ACVRL1: variants seen among roughly 807,000 people sequenced by gnomAD.
ACVRL1 encodes activin A receptor like type 1.
Under a neutral mutation model 51.9 loss-of-function variants are expected in ACVRL1, and 20 were observed. That is an observed-to-expected ratio of 0.39 (90% CI 0.27 to 0.56). ACVRL1 has a LOEUF of 0.56. Ranked by LOEUF, ACVRL1 falls within the 20% of genes least tolerant of loss-of-function variation. The pLI, the probability that ACVRL1 is intolerant of heterozygous loss-of-function variation, is 0.67. For missense variants in ACVRL1, 451 were observed against 670.3 expected (o/e 0.67, Z 3.61); for synonymous variants, 288 against 280.9 (o/e 1.03, Z -0.25).
At chr12:51,908,516 A>G (rs573073631) in intron 1 of ACVRL1, among the ~76,000 whole-genome samples, 1 of 152,256 alleles carries the variant, frequency 6.6e-6, no homozygotes, top group East Asian at 1.9e-4. Context: ...ACTTAGATAT[A>G]TATATTTTTT....
chr12:51,923,309 G>A lies in ACVRL1; in HGVS notation c.*2416G>A, dbSNP rs1941025030. On this transcript the variant is annotated 3_prime_UTR_variant, in exon 10 of 10. Transcript: ENST00000388922. ...TGGAGACGCTGTTTGTGGGAGCACT[G>A]GGCTCATGCCTGGCACACAATAGGT... is the stretch of plus-strand genomic sequence containing the variant. The A allele has an allele frequency of 6.6e-6, 1 of 152,310 alleles. No homozygotes were observed. Among genetic ancestry groups the A allele is most frequent in the South Asian group, 2.1e-4 (1 of 4,830 alleles). The allele number at this position is 152,310 out of a possible 1,614,324, so 9.4% of individuals were successfully genotyped here.
intron 1 of ACVRL1, among the ~76,000 whole-genome samples, chr12:51,911,191 G>A (rs1940681717): frequency 6.6e-6 from 1 of 152,200 alleles, no homozygotes; most frequent in Admixed American, 6.5e-5. Flanking sequence ...GGTCCTTCTT[G>A]CTGCAGCTTT....
chr12:51,921,714 G>A lies in ACVRL1; in HGVS notation c.*821G>A, dbSNP rs1284668152. Reference sequence around the variant, plus strand: ...TGTGACAAAAGCAGGCCTGTCTCAGGACCTTTTCTTTTCTTTTTTCCTTCT... The same window carrying A: ...TGTGACAAAAGCAGGCCTGTCTCAGAACCTTTTCTTTTCTTTTTTCCTTCT... On this transcript the variant is annotated 3_prime_UTR_variant, in exon 10 of 10. Coordinates refer to ENST00000388922, the MANE Select transcript of ACVRL1 (RefSeq NM_000020.3). The A allele has an allele frequency of 1.3e-5, 2 of 152,194 alleles. No individual in the cohort carries two copies. The highest frequency in any genetic ancestry group is 3.8e-4 in the East Asian group (2 of 5,202). The allele number at this position is 152,194 out of a possible 1,614,324, so 9.4% of individuals were successfully genotyped here. A position where few individuals can be genotyped will look rare whatever the true frequency, so the allele number is the denominator to read the frequency against.
chr12:51,911,613 A>G (rs995918044), intron 1 of ACVRL1, among the ~76,000 whole-genome samples: 19 of 152,326 alleles, frequency 1.2e-4, no homozygotes, highest in African/African-American at 4.3e-4. Flanking sequence ...GGATAGGGAC[A>G]GAGCGAAGAG....
intron 1 of ACVRL1, among the ~76,000 whole-genome samples, chr12:51,911,308 C>T (rs1283711468): frequency 1.3e-5 from 2 of 152,190 alleles, no homozygotes; most frequent in Non-Finnish European, 2.9e-5. Flanking sequence ...ACCAGAATTA[C>T]TCCCCCTAAC....
chr12:51,920,668 A>C (rs1592228120), intron 9 of ACVRL1, 91 bp from the exon 10 acceptor site: 5 of 1,415,398 alleles, frequency 3.5e-6, no homozygotes, highest in African/African-American at 3.0e-5. Context: ...TCTCTGACCC[A>C]CCTCCCTCTG....
intron 6 of ACVRL1, 57 bp downstream of exon 6, chr12:51,914,642 C>A (rs1474893383): frequency 2.8e-5 from 44 of 1,567,062 alleles, no homozygotes; most frequent in Non-Finnish European, 3.3e-5. Flanking sequence ...GCACTCAGGG[C>A]TCAAGTTTGC....
At position 51,913,283 on chromosome 12, in the gene ACVRL1, C is replaced by T. The variant is rs754476526; in HGVS notation, c.246C>T (p.Thr82=). ...LHRELCRGRP[T]EFVNHYCCDS... ...GGGAGCTCTGCAGGGGGCGCCCCAC[C>T]GAGTTCGTCAACCACTACTGCTGCG... The change falls in exon 3 of 10, where the codon ACC becomes ACT. Residue 82 remains threonine (T), a synonymous_variant. Coordinates refer to ENST00000388922, the MANE Select transcript of ACVRL1 (RefSeq NM_000020.3). 2.2e-5 allele frequency: 36 copies of T among 1,606,254 alleles called. No individual in the cohort carries two copies. The highest frequency in any genetic ancestry group is 9.0e-5 in the East Asian group (4 of 44,594).
chr12:51,921,166 C>T lies in ACVRL1; in HGVS notation c.*273C>T, dbSNP rs923281334. ...AGCATGGTGCACCCCCTACCACTCC[C>T]GGGACAGGATGCAAAAGAGGCTCCA... On this transcript the variant is annotated 3_prime_UTR_variant, in exon 10 of 10. Coordinates refer to ENST00000388922, the MANE Select transcript of ACVRL1 (RefSeq NM_000020.3). The T allele has an allele frequency of 1.5e-5, 7 of 475,878 alleles. No homozygotes were observed. The highest frequency in any genetic ancestry group is 4.1e-5 in the East Asian group (1 of 24,568). The allele number at this position is 475,878 out of a possible 1,614,324, so 29.5% of individuals were successfully genotyped here.
rs74094825 is a variant in ACVRL1, at chr12:51,920,060, C to T, written c.1378-699C>T. Among the ~76,000 whole-genome samples, 19,557 of 152,232 alleles carry T rather than the reference C, an allele frequency of 0.13. 1,580 individuals are homozygous for T. Among genetic ancestry groups the T allele is most frequent in the African/African-American group, 0.23 (9,744 of 41,498 alleles). ...TGTACAACATATCCGCAAAAAGCCACATGTATGCATTCCTGTACACACACA... is the reference window on the plus strand; with the variant it reads ...TGTACAACATATCCGCAAAAAGCCATATGTATGCATTCCTGTACACACACA... On this transcript the variant is annotated intron_variant, in intron 9 of 9. Coordinates refer to ENST00000388922, the MANE Select transcript of ACVRL1 (RefSeq NM_000020.3).
Position 51,921,358 on chromosome 12 carries a change from C to T in ACVRL1, c.*465C>T, listed in dbSNP as rs552678295. On this transcript the variant is annotated 3_prime_UTR_variant, in exon 10 of 10. Transcript: ENST00000388922. ...TTCCCTGCCAGGCCTCAGCCTCTAG[C>T]ATAAGCTCCAGAGAGCCAGGGCCCA... The T allele has an allele frequency of 4.1e-6, 1 of 244,950 alleles. No individual in the cohort carries two copies. Among genetic ancestry groups the T allele is most frequent in the Admixed American group, 5.0e-5 (1 of 19,936 alleles). 15.2% of individuals were successfully genotyped at this position (244,950 alleles called of 1,614,324 possible).
Position 51,916,265 on chromosome 12 carries a change from G to T in ACVRL1, c.1246+32G>T, listed in dbSNP as rs760427036. On this transcript the variant is annotated intron_variant, in intron 8 of 9. Coordinates refer to ENST00000388922, the MANE Select transcript of ACVRL1 (RefSeq NM_000020.3). The stretch of plus-strand genomic sequence containing the variant: ...GCCCACCCTACACAGGGTAGGGAAA[G>T]GGGAATCAGCCTGTGGAGCCAGGGG... 1.2e-5 allele frequency: 20 copies of T among 1,607,872 alleles called. No homozygotes were observed. The Admixed American group carries it at 3.4e-4, about 27-fold the overall frequency.
Position 51,913,103 on chromosome 12 carries a change from C to G in ACVRL1, c.66C>G (p.Asp22Glu). 6.2e-7 allele frequency: 1 copy of G among 1,603,692 alleles called. No homozygotes were observed. The highest frequency in any genetic ancestry group is 8.5e-7 in the Non-Finnish European group (1 of 1,179,104). The change falls in exon 3 of 10, where the codon GAC becomes GAG. Residue 22 changes from aspartate (D) to glutamate (E), a missense_variant. Physicochemically the swap from Asp to Glu is conservative, Grantham distance 45. This residue lies in a region of ACVRL1 where 192 missense variants were observed against 216.9 expected (regional missense o/e 0.89). Coordinates refer to ENST00000388922, the MANE Select transcript of ACVRL1 (RefSeq NM_000020.3). ...AGCTTCCGGTGTGTCTTCCAGGAGA[C>G]CCTGTGAAGCCGTCTCGGGGCCCGC... ...MLLMALVTQG[D>E]PVKPSRGPLV...
At chr12:51,910,234 C>T (rs1185286748) in intron 1 of ACVRL1, among the ~76,000 whole-genome samples, 1 of 152,192 alleles carries the variant, frequency 6.6e-6, no homozygotes, top group Non-Finnish European at 1.5e-5. Context: ...CCTTGGCTGT[C>T]CCTTCTGTAG....
rs1396357726 is a variant in ACVRL1, at chr12:51,922,079, C to T, written c.*1186C>T. ...ATATTGGAAGATTTGGTCCTGATGT[C>T]CTTTGAGGCTTCTTTAGCTCTAGTT... On this transcript the variant is annotated 3_prime_UTR_variant, in exon 10 of 10. Coordinates refer to ENST00000388922, the MANE Select transcript of ACVRL1 (RefSeq NM_000020.3). 6.6e-6 allele frequency: 1 copy of T among 152,206 alleles called. No individual in the cohort carries two copies. Among genetic ancestry groups the T allele is most frequent in the African/African-American group, 2.4e-5 (1 of 41,438 alleles). 9.4% of individuals were successfully genotyped at this position (152,206 alleles called of 1,614,324 possible).
chr12:51,912,332 C>T (rs893986736), intron 1 of ACVRL1, 138 bp from the exon 2 acceptor site: 21 of 893,232 alleles, frequency 2.4e-5, no homozygotes, highest in Non-Finnish European at 3.3e-5. Flanking sequence ...CAAAGCCAGG[C>T]GGCAGGGAGT....
Position 51,913,301 on chromosome 12 carries a change from C to G in ACVRL1, c.264C>G (p.Tyr88Ter), listed in dbSNP as rs775754117. The G allele has an allele frequency of 6.2e-7, 1 of 1,610,986 alleles. No individual in the cohort carries two copies. The highest frequency in any genetic ancestry group is 8.5e-7 in the Non-Finnish European group (1 of 1,179,020). ...RGRPTEFVNH[Y>*]CCDSHLCNHN... ...GCCCCACCGAGTTCGTCAACCACTA[C>G]TGCTGCGACAGCCACCTCTGCAACC... The change falls in exon 3 of 10, where the codon TAC becomes TAG. Residue 88 changes from tyrosine (Y) to a stop codon, truncating the protein, a stop_gained. Transcript: ENST00000388922. LOFTEE classifies it high-confidence loss of function.
rs1031584365 is a variant in ACVRL1 at position 51,913,632 on chromosome 12, G to A, written c.387G>A (p.Leu129=). ...TGATCCTGGGCCCCGTGCTGGCCTT[G>A]CTGGCCCTGGTGGCCCTGGGTGTCC... ...LALILGPVLA[L]LALVALGVLG... is the part of the protein sequence containing the mutation. The change falls in exon 4 of 10, where the codon TTG becomes TTA. Residue 129 remains leucine (L), a synonymous_variant. Transcript: ENST00000388922. 1 of 1,605,222 alleles carries A rather than the reference G, an allele frequency of 6.2e-7. No homozygotes were observed. The highest frequency in any genetic ancestry group is 8.5e-7 in the Non-Finnish European group (1 of 1,179,936).
chr12:51,921,542 G>GACCACCGA lies in ACVRL1; in HGVS notation c.*649_*650insACCACCGA. On this transcript the variant is annotated 3_prime_UTR_variant, in exon 10 of 10. Transcript: ENST00000388922. ...TAAGAGGTCCTACTGAGGTGTGGCAGGATCACAGGCCAGTGGAAAAAGGGC... is the reference window on the plus strand; with the variant it reads ...TAAGAGGTCCTACTGAGGTGTGGCAGACCACCGAGATCACAGGCCAGTGGAAAAAGGGC... 6.2e-6 allele frequency: 1 copy of GACCACCGA among 162,280 alleles called. No homozygotes were observed. Among genetic ancestry groups the GACCACCGA allele is most frequent in the South Asian group, 1.7e-4 (1 of 5,964 alleles). The allele number at this position is 162,280 out of a possible 1,614,324, so 10.1% of individuals were successfully genotyped here.
Sources: allele counts gnomAD v4.1 joint callset (sites outside exome capture counted in the v4.1 genomes callset), GRCh38; gene constraint gnomAD v4.1.1; regional missense constraint gnomAD v4.1.1; transcripts MANE v1.5; gene names NCBI Gene and HGNC (gene_info 2026-07-23, HGNC 2026-07-21).